Variants in SMIM17 observed in about 807,000 individuals in gnomAD.
SMIM17 encodes small integral membrane protein 17.
In SMIM17, 10 loss-of-function variants were observed where a neutral mutation model predicts 12.2. The ratio of observed to expected loss-of-function variants is 0.82; its 90% CI spans 0.50 to 1.39. The LOEUF (loss-of-function observed/expected upper bound fraction) is 1.39. SMIM17 is among the 40% of genes most tolerant of loss of function. The pLI is 0.00. For synonymous variants in SMIM17, 50 were observed against 44.1 expected (o/e 1.13, Z -0.53); for missense variants, 136 against 118.2 (o/e 1.15, Z -0.70).
chr19:56,652,097 C>A (rs1375909385), intron 3 of SMIM17, among the ~76,000 whole-genome samples: 9 of 71,416 alleles, frequency 1.3e-4, no homozygotes, highest in Non-Finnish European at 2.3e-5. Flanking sequence ...GAGTGAGACT[C>A]TGCCAAAAAA....
intron 1 of SMIM17, among the ~76,000 whole-genome samples, chr19:56,644,182 A>T (rs559835816): frequency 6.6e-6 from 1 of 152,058 alleles, no homozygotes; most frequent in Non-Finnish European, 1.5e-5. Context: ...ACCTAGATCC[A>T]TGATTAATTA....
chr19:56,645,682 G>T lies in SMIM17; in HGVS notation c.15G>T (p.Arg5Ser), dbSNP rs1160970289. 3.9e-6 allele frequency: 6 copies of T among 1,531,558 alleles called. No individual in the cohort carries two copies. The South Asian group carries it at 6.0e-5, about 15-fold the overall frequency. 94.9% of individuals were successfully genotyped at this position (1,531,558 alleles called of 1,614,324 possible). MQSLRPEQTRGLLEP... is the reference protein window; with the variant it reads MQSLSPEQTRGLLEP... ...CTCCTGGGGCAATGCAGAGTCTCAGGCCTGAGCAGACACGGGGGCTGCTGG... is the reference window on the plus strand; with the variant it reads ...CTCCTGGGGCAATGCAGAGTCTCAGTCCTGAGCAGACACGGGGGCTGCTGG... The change falls in exon 2 of 4, where the codon AGG becomes AGT. Residue 5 changes from arginine to serine, a missense_variant. By Grantham distance (110) the Arg-to-Ser change is moderately radical. Transcript: ENST00000598409.
chr19:56,646,785 T>C (rs2045066854), intron 2 of SMIM17, among the ~76,000 whole-genome samples: 1 of 152,164 alleles, frequency 6.6e-6, no homozygotes, highest in African/African-American at 2.4e-5. Flanking sequence ...AGAGGTATCA[T>C]GATGACTTTT....
chr19:56,648,867 C>T (rs2045088153), intron 3 of SMIM17, among the ~76,000 whole-genome samples: 1 of 152,210 alleles, frequency 6.6e-6, no homozygotes, highest in Admixed American at 6.5e-5. Flanking sequence ...ACATTCATCT[C>T]ATACATGAGA....
chr19:56,648,639 T>C (rs1269050352), intron 3 of SMIM17, among the ~76,000 whole-genome samples: 1 of 151,978 alleles, frequency 6.6e-6, no homozygotes, highest in Non-Finnish European at 1.5e-5. Flanking sequence ...TCTGTATCTA[T>C]TCACACACCC....
chr19:56,647,320 C>T (rs2045070781), intron 2 of SMIM17, among the ~76,000 whole-genome samples: 2 of 151,954 alleles, frequency 1.3e-5, no homozygotes, highest in African/African-American at 4.8e-5. Context: ...CTTTCATTCT[C>T]TCAGCCCCAT....
chr19:56,650,453 T>C (rs560939780), intron 3 of SMIM17, among the ~76,000 whole-genome samples: 3 of 152,196 alleles, frequency 2.0e-5, no homozygotes, highest in Non-Finnish European at 4.4e-5. Context: ...ATTACAGGCA[T>C]GAGCCACGAC....
Position 56,645,785 on chromosome 19 carries a change from G to C in SMIM17, c.118G>C (p.Asp40His). 1 of 1,535,990 alleles carries C rather than the reference G, an allele frequency of 6.5e-7. No individual in the cohort carries two copies. ...GCCTCCTCATCCCGCCTGCACCAAA[G>C]ACTGGGAGGCTGTGGAGGTTGGGGC... ...EKPPHPACTK[D>H]WEAVEVGASS... The change falls in exon 2 of 4, where the codon GAC becomes CAC. Residue 40 changes from aspartate (D) to histidine (H), a missense_variant. Coordinates refer to ENST00000598409, the MANE Select transcript of SMIM17 (RefSeq NM_001193628.2).
In SMIM17 at chr19:56,656,296, T is replaced by C. The variant is rs2045151812; in HGVS notation, c.*1083T>C. 6.6e-6 allele frequency among the ~76,000 whole-genome samples: 1 copy of C among 152,138 alleles called. No individual in the cohort carries two copies. The highest frequency in any genetic ancestry group is 2.1e-4 in the South Asian group (1 of 4,830). ...CTTCATTCCATAGAGCTTTTTCATATTATTAGCTTAATTATGCATAATGTT... is the reference window on the plus strand; with the variant it reads ...CTTCATTCCATAGAGCTTTTTCATACTATTAGCTTAATTATGCATAATGTT... On this transcript the variant is annotated 3_prime_UTR_variant, in exon 4 of 4. Coordinates refer to ENST00000598409, the MANE Select transcript of SMIM17 (RefSeq NM_001193628.2).
chr19:56,653,021 C>T (rs948115189), intron 3 of SMIM17, among the ~76,000 whole-genome samples: 2 of 152,180 alleles, frequency 1.3e-5, no homozygotes, highest in Non-Finnish European at 2.9e-5. Context: ...ATTTTCTTAA[C>T]TTTATATTCT....
chr19:56,643,889 C>T (rs1033168371), intron 1 of SMIM17, among the ~76,000 whole-genome samples: 3 of 152,176 alleles, frequency 2.0e-5, no homozygotes, highest in South Asian at 4.1e-4. Context: ...GAAACACTGC[C>T]GGTATTTTTA....
chr19:56,647,770 T>C (rs1342975944), intron 3 of SMIM17, 136 bp downstream of exon 3: 3 of 732,704 alleles, frequency 4.1e-6, no homozygotes, highest in South Asian at 1.8e-5. Flanking sequence ...CTGATCTCTA[T>C]GGTGATCAGA....
Position 56,645,599 on chromosome 19 carries a change from C to T in SMIM17, c.-69C>T. ...GGTTCTGAATCTTGTGCCTGGAGAA[C>T]CAGAGAGGACCCTGGAGCAGGAGGA... On this transcript the variant is annotated 5_prime_UTR_variant, in exon 2 of 4. Coordinates refer to ENST00000598409, the MANE Select transcript of SMIM17 (RefSeq NM_001193628.2). The T allele has an allele frequency of 7.2e-7, 1 of 1,386,706 alleles. No homozygotes were observed. Among genetic ancestry groups the T allele is most frequent in the Admixed American group, 3.0e-5 (1 of 33,236 alleles). 85.9% of individuals were successfully genotyped at this position (1,386,706 alleles called of 1,614,324 possible). A position where few individuals can be genotyped will look rare whatever the true frequency, so the allele number is the denominator to read the frequency against.
rs182590829 is a variant in SMIM17, at chr19:56,652,802, G to A, written c.247-2301G>A. ...TCCTGGGTAATCCTCTAGGAAGGAGGATCTCATTAGCAAAGGGCATTTGTC... is the reference window on the plus strand; with the variant it reads ...TCCTGGGTAATCCTCTAGGAAGGAGAATCTCATTAGCAAAGGGCATTTGTC... On this transcript the variant is annotated intron_variant, in intron 3 of 3. Coordinates refer to ENST00000598409, the MANE Select transcript of SMIM17 (RefSeq NM_001193628.2). Among the ~76,000 whole-genome samples, 417 of 152,274 alleles carry A rather than the reference G, an allele frequency of 2.7e-3. 3 individuals are homozygous for A. The highest frequency in any genetic ancestry group is 9.5e-3 in the African/African-American group (393 of 41,534).
At position 56,655,244 on chromosome 19, in the gene SMIM17, A is replaced by G. The variant is rs772440367; in HGVS notation, c.*31A>G. On this transcript the variant is annotated 3_prime_UTR_variant, in exon 4 of 4. Coordinates refer to ENST00000598409, the MANE Select transcript of SMIM17 (RefSeq NM_001193628.2). Reference sequence around the variant, plus strand: ...ATGGTGGCTGTTGTTTTAAAAGTTTAATTTAATGAAATAGATGCCCTATGT... The same window carrying G: ...ATGGTGGCTGTTGTTTTAAAAGTTTGATTTAATGAAATAGATGCCCTATGT... 365 of 694,412 alleles carry G rather than the reference A, an allele frequency of 5.3e-4. No homozygotes were observed. The highest frequency in any genetic ancestry group is 8.3e-4 in the Non-Finnish European group (314 of 379,482). 43.0% of individuals were successfully genotyped at this position (694,412 alleles called of 1,614,324 possible).
At chr19:56,654,178 T>C (rs2045130813) in intron 3 of SMIM17, among the ~76,000 whole-genome samples, 1 of 152,178 alleles carries the variant, frequency 6.6e-6, no homozygotes, top group South Asian at 2.1e-4. Context: ...TACAGTGTCA[T>C]TGGAGGAAGA....
intron 3 of SMIM17, among the ~76,000 whole-genome samples, chr19:56,652,912 G>T (rs1180853100): frequency 6.6e-6 from 1 of 152,170 alleles, no homozygotes; most frequent in African/African-American, 2.4e-5. Context: ...GCACCAGCCT[G>T]AAAAACAGAA....
chr19:56,646,164 G>T (rs1402385824), intron 2 of SMIM17, among the ~76,000 whole-genome samples: 2 of 152,168 alleles, frequency 1.3e-5, no homozygotes, highest in Admixed American at 6.5e-5. Flanking sequence ...GTCTGCTGGT[G>T]CTGGCTGTTG....
chr19:56,647,729 C>A, intron 3 of SMIM17, 95 bp downstream of exon 3: 3 of 1,056,250 alleles, frequency 2.8e-6, no homozygotes, highest in Non-Finnish European at 4.2e-6. Flanking sequence ...AATTTACCTG[C>A]CCCATAAAAA....
Sources: gnomAD v4.1 joint callset for allele counts (sites outside exome capture counted in the v4.1 genomes callset) on GRCh38, gnomAD v4.1.1 for gene constraint, MANE v1.5 for transcripts, NCBI Gene and HGNC (gene_info 2026-07-23, HGNC 2026-07-21) for gene names.